GRIK2: variants seen among roughly 807,000 people sequenced by gnomAD.
The protein encoded by GRIK2 is glutamate receptor ionotropic, kainate 2.
Under a neutral mutation model 100.3 loss-of-function variants are expected in GRIK2, and 32 were observed. The observed-to-expected ratio is 0.32, with a 90% CI of 0.24 to 0.43. GRIK2 has a LOEUF of 0.43. Among genes scored for constraint, GRIK2 ranks in the 20% least tolerant of loss-of-function variants. GRIK2 has a pLI of 1.00. For synonymous variants in GRIK2, 417 were observed against 389.4 expected (o/e 1.07, Z -0.83); for missense variants, 843 against 1,114.9 (o/e 0.76, Z 3.47).
chr6:101,432,018 CTT>C (rs1769435757), intron 2 of GRIK2, among the ~76,000 whole-genome samples: 1 of 152,144 alleles, frequency 6.6e-6, no homozygotes, highest in Admixed American at 6.6e-5. Context: ...TAATAATACA[CTT>C]TGAGCAATTT....
rs1562140325 is a variant in GRIK2, at chr6:102,051,270, TTCC to T, written c.2312-4058_2312-4056del. 7.2e-3 allele frequency among the ~76,000 whole-genome samples: 1,052 copies of T among 145,714 alleles called. 60 individuals are homozygous for T. In the East Asian group the frequency reaches 0.12, roughly 16 times the overall value. ...CTCCCTCCCTTCCTTCCTTCCTTCCTTCCTTCCTTCCTTCCTTCCTTCCTTCCT... is the reference window on the plus strand; with the variant it reads ...CTCCCTCCCTTCCTTCCTTCCTTCCTTTCCTTCCTTCCTTCCTTCCTTCCT... On this transcript the variant is annotated intron_variant, in intron 15 of 16. Coordinates refer to ENST00000369134, the MANE Select transcript of GRIK2 (RefSeq NM_021956.5).
intron 7 of GRIK2, among the ~76,000 whole-genome samples, chr6:101,740,382 G>C (rs914642339): frequency 1.3e-5 from 2 of 152,136 alleles, no homozygotes; most frequent in Non-Finnish European, 2.9e-5. Flanking sequence ...ATGAAAAACA[G>C]AAATGTTCAT....
chr6:101,632,763 C>T (rs1052649673), intron 4 of GRIK2, among the ~76,000 whole-genome samples: 1 of 152,072 alleles, frequency 6.6e-6, no homozygotes, highest in Non-Finnish European at 1.5e-5. Context: ...TCCATGGGCT[C>T]AGAGTAGAGT....
At chr6:101,428,892 A>G (rs935947570) in intron 2 of GRIK2, among the ~76,000 whole-genome samples, 3 of 152,148 alleles carry the variant, frequency 2.0e-5, no homozygotes, top group Admixed American at 6.5e-5. Flanking sequence ...TCATTCTTTT[A>G]AATATGTTTT....
chr6:101,602,762 C>T (rs1052022715), intron 2 of GRIK2, among the ~76,000 whole-genome samples: 14 of 151,588 alleles, frequency 9.2e-5, no homozygotes, highest in African/African-American at 3.1e-4. Context: ...AAATAAAAAG[C>T]CAGTAAGTAG....
At chr6:101,676,918 T>A in intron 5 of GRIK2, 114 bp downstream of exon 5, 1 of 592,648 alleles carries the variant, frequency 1.7e-6, no homozygotes, top group Non-Finnish European at 2.9e-6. Flanking sequence ...AACCTTGATG[T>A]AATTTTATGA....
At chr6:101,921,696 G>A (rs1026603597) in intron 12 of GRIK2, among the ~76,000 whole-genome samples, 2 of 152,072 alleles carry the variant, frequency 1.3e-5, no homozygotes, top group African/African-American at 4.8e-5. Context: ...GAGTGTGTGT[G>A]TGTTGGGAGA....
chr6:101,497,706 CA>C (rs1773522007), intron 2 of GRIK2, among the ~76,000 whole-genome samples: 1 of 151,952 alleles, frequency 6.6e-6, no homozygotes, highest in South Asian at 2.1e-4. Context: ...TGCTTACCTT[CA>C]TAGGTAATTT....
At chr6:101,476,675 A>G (rs1772251926) in intron 2 of GRIK2, among the ~76,000 whole-genome samples, 1 of 152,146 alleles carries the variant, frequency 6.6e-6, no homozygotes, top group South Asian at 2.1e-4. Context: ...TTGTAGGGTA[A>G]AGAAGGAAAG....
At chr6:101,444,696 A>G (rs1175590604) in intron 2 of GRIK2, among the ~76,000 whole-genome samples, 9 of 152,096 alleles carry the variant, frequency 5.9e-5, no homozygotes, top group Admixed American at 4.6e-4. Context: ...ACTTTTTCAG[A>G]TTAAGAAAAA....
At chr6:101,701,190 T>C (rs988363393) in intron 7 of GRIK2, among the ~76,000 whole-genome samples, 16 of 152,110 alleles carry the variant, frequency 1.1e-4, no homozygotes, top group Non-Finnish European at 2.2e-4. Flanking sequence ...GAGCATATGT[T>C]TACAATCCTT....
chr6:101,457,074 A>G (rs999734496), intron 2 of GRIK2, among the ~76,000 whole-genome samples: 3 of 152,278 alleles, frequency 2.0e-5, no homozygotes, highest in African/African-American at 7.2e-5. Flanking sequence ...GGCCTTTTGC[A>G]TATATGCTTA....
chr6:101,593,816 T>C (rs760881273), intron 2 of GRIK2, among the ~76,000 whole-genome samples: 1 of 151,910 alleles, frequency 6.6e-6, no homozygotes, highest in Non-Finnish European at 1.5e-5. Context: ...AGGTATAATA[T>C]CACATCTGGG....
intron 2 of GRIK2, among the ~76,000 whole-genome samples, chr6:101,510,197 TA>T (rs1774229013): frequency 2.0e-5 from 3 of 152,178 alleles, no homozygotes; most frequent in Admixed American, 1.3e-4. Flanking sequence ...AACATGTCCA[TA>T]AAAAGTGGCT....
At chr6:101,961,679 A>G (rs997352358) in intron 14 of GRIK2, among the ~76,000 whole-genome samples, 5 of 151,178 alleles carry the variant, frequency 3.3e-5, no homozygotes, top group African/African-American at 1.2e-4. Context: ...GAGAGTGCAC[A>G]CTCCGGTTTT....
At chr6:101,793,365 G>T (rs1780033615) in intron 7 of GRIK2, among the ~76,000 whole-genome samples, 2 of 152,110 alleles carry the variant, frequency 1.3e-5, no homozygotes, top group Non-Finnish European at 2.9e-5. Context: ...TTTGATGATG[G>T]TGATGTACAG....
intron 14 of GRIK2, among the ~76,000 whole-genome samples, chr6:101,997,194 G>T (rs115267090): frequency 0.016 from 2,380 of 151,934 alleles, 58 homozygotes; most frequent in African/African-American, 0.054. Flanking sequence ...TAGTGAGTTG[G>T]ATTAATCTCA....
intron 2 of GRIK2, among the ~76,000 whole-genome samples, chr6:101,620,914 G>A (rs982494286): frequency 6.6e-6 from 1 of 152,104 alleles, no homozygotes; most frequent in Non-Finnish European, 1.5e-5. Flanking sequence ...ACAAGAGTGA[G>A]GGAACTGGAA....
intron 4 of GRIK2, among the ~76,000 whole-genome samples, chr6:101,646,573 A>G (rs1051732793): frequency 1.3e-5 from 2 of 151,990 alleles, no homozygotes; most frequent in Non-Finnish European, 2.9e-5. Context: ...TAAAATTGAA[A>G]ACAAAAGCCA....
Sources: allele counts gnomAD v4.1 joint callset (sites outside exome capture counted in the v4.1 genomes callset), GRCh38; gene constraint gnomAD v4.1.1; transcripts MANE v1.5; gene names NCBI Gene and HGNC (gene_info 2026-07-23, HGNC 2026-07-21).